Variants in PLS3 observed in about 807,000 individuals in gnomAD.
PLS3 encodes the protein plastin-3.
A neutral mutation model predicts 46.5 loss-of-function variants in PLS3; 11 were observed. The observed-to-expected ratio is 0.24, with a 90% CI of 0.15 to 0.39. The LOEUF is 0.39. Ranked by LOEUF, PLS3 falls within the 10% of genes least tolerant of loss-of-function variation. The pLI is 1.00. For missense variants in PLS3, 308 were observed against 461.8 expected, an observed-to-expected ratio of 0.67 and a Z score of 3.05; for synonymous variants, 167 against 162.2, an observed-to-expected ratio of 1.03 and a Z score of -0.22.
At chrX:115,562,712 G>A (rs145026044) in intron 1 of PLS3, 11 of 111,575 alleles carry the variant, frequency 9.9e-5, no homozygotes, top group African/African-American at 3.6e-4. Flanking sequence ...CTAAGTGGCT[G>A]GAGCCCCACA....
intron 5 of PLS3, among the ~76,000 whole-genome samples, chrX:115,632,546 A>T (rs1230685937): frequency 1.8e-5 from 2 of 111,457 alleles, no homozygotes; most frequent in African/African-American, 6.5e-5. Context: ...TGAGTCACAG[A>T]CTATAGCCTA....
intron 1 of PLS3, among the ~76,000 whole-genome samples, chrX:115,566,265 T>C (rs1445420256): frequency 4.4e-5 from 5 of 112,487 alleles, no homozygotes; most frequent in Non-Finnish European, 7.5e-5. Context: ...ACCCATCCAA[T>C]TTTTACAAGC....
intron 7 of PLS3, among the ~76,000 whole-genome samples, chrX:115,635,576 G>A (rs1040447309): frequency 4.9e-5 from 5 of 101,357 alleles, no homozygotes; most frequent in South Asian, 4.8e-4. Context: ...GCTTGAACCC[G>A]GAAGGCGGAG....
chrX:115,610,409 TAATC>T, intron 2 of PLS3, 86 bp downstream of exon 2: 2 of 469,097 alleles, frequency 4.3e-6, no homozygotes, highest in South Asian at 1.0e-4. Flanking sequence ...CATGAATGGT[TAATC>T]AAAAACATTA....
intron 5 of PLS3, among the ~76,000 whole-genome samples, chrX:115,630,175 C>G (rs2074750345): frequency 9.0e-6 from 1 of 111,261 alleles, no homozygotes; most frequent in Non-Finnish European, 1.9e-5. Context: ...TAGGGAAGCT[C>G]TCAGCCTCCA....
chrX:115,585,708 G>C (rs1265713471), intron 1 of PLS3, among the ~76,000 whole-genome samples: 1 of 110,603 alleles, frequency 9.0e-6, no homozygotes, highest in African/African-American at 3.3e-5. Context: ...TATTTTTATG[G>C]AATTATTCAA....
At chrX:115,591,325 G>A (rs1270966692) in intron 1 of PLS3, among the ~76,000 whole-genome samples, 1 of 112,160 alleles carries the variant, frequency 8.9e-6, no homozygotes, top group East Asian at 2.8e-4. Flanking sequence ...AGATCATGCT[G>A]ATCGAAGATT....
chrX:115,572,475 G>A (rs1556630807), intron 1 of PLS3, among the ~76,000 whole-genome samples: 1 of 111,838 alleles, frequency 8.9e-6, no homozygotes, highest in East Asian at 2.8e-4. Context: ...TGTAAGTGTT[G>A]TATAAAAGAA....
chrX:115,644,888 C>T (rs1251373967), intron 10 of PLS3, 133 bp from the exon 11 acceptor site: 1 of 426,451 alleles, frequency 2.3e-6, no homozygotes, highest in African/African-American at 2.5e-5. Context: ...TAGAAGAATG[C>T]TTGGAAACTC....
chrX:115,629,095 T>C lies in PLS3; in HGVS notation c.238-103T>C, dbSNP rs370033309. On this transcript the variant is annotated intron_variant, in intron 3 of 15. Transcript: ENST00000355899. ...GTTTTTTGTATCTTTTAACATCAGC[T>C]ATGGAAAAAATGTAAGTGATCAAGA... The C allele has an allele frequency of 1.2e-4, 69 of 571,969 alleles. 1 individual carries two copies. In the South Asian group the frequency reaches 2.2e-3, roughly 19 times the overall value. The allele number at this position is 571,969 out of a possible 1,213,427, so 47.1% of individuals were successfully genotyped here. A position where few individuals can be genotyped will look rare whatever the true frequency, so the allele number is the denominator to read the frequency against.
chrX:115,595,714 G>A (rs2147452328), intron 1 of PLS3, among the ~76,000 whole-genome samples: 1 of 91,904 alleles, frequency 1.1e-5, no homozygotes, highest in East Asian at 3.3e-4. Context: ...TTTTGAGATG[G>A]AGTCTCACTC....
chrX:115,608,559 G>C (rs782673693), intron 1 of PLS3, among the ~76,000 whole-genome samples: 132 of 112,044 alleles, frequency 1.2e-3, no homozygotes, highest in Middle Eastern at 4.7e-3. Flanking sequence ...GTACCACTCA[G>C]GTACAGGATA....
chrX:115,617,273 C>T (rs1412951398), intron 2 of PLS3, among the ~76,000 whole-genome samples: 3 of 111,755 alleles, frequency 2.7e-5, no homozygotes, highest in Non-Finnish European at 3.8e-5. Flanking sequence ...TGGTGGTCCA[C>T]TTGGGCCCTC....
intron 1 of PLS3, among the ~76,000 whole-genome samples, chrX:115,600,208 A>G (rs1157256034): frequency 5.4e-5 from 6 of 110,958 alleles, no homozygotes; most frequent in Non-Finnish European, 7.5e-5. Context: ...TGCAGCCTCA[A>G]ACTCCTGGGC....
chrX:115,613,167 T>C (rs1463271104), intron 2 of PLS3, among the ~76,000 whole-genome samples: 1 of 111,574 alleles, frequency 9.0e-6, no homozygotes, highest in Non-Finnish European at 1.9e-5. Flanking sequence ...CCTTGCCTTT[T>C]TTCCCTCCTG....
chrX:115,572,714 A>G (rs181362808), intron 1 of PLS3, among the ~76,000 whole-genome samples: 39 of 112,171 alleles, frequency 3.5e-4, no homozygotes, highest in African/African-American at 1.2e-3. Context: ...ACAAAGACGG[A>G]TAAGATACTC....
chrX:115,575,545 G>A (rs1235445274), intron 1 of PLS3, among the ~76,000 whole-genome samples: 1 of 111,745 alleles, frequency 8.9e-6, no homozygotes, highest in Non-Finnish European at 1.9e-5. Context: ...CCGGGTTCAC[G>A]CCATTCTCCT....
At position 115,643,402 on chromosome X, in the gene PLS3, C is replaced by G. The variant is rs1169530198; in HGVS notation, c.1077C>G (p.Val359=). The change falls in exon 10 of 16, where the codon GTC becomes GTG. Residue 359 remains valine (V), a synonymous_variant. Coordinates refer to ENST00000355899, the MANE Select transcript of PLS3 (RefSeq NM_005032.7). ...AGTTTGTTACCCCTGCTGATGTTGT[C>G]AGTGGAAACCCCAAACTCAACTTAG... ...CRQFVTPADV[V]SGNPKLNLAF... The G allele has an allele frequency of 8.4e-7, 1 of 1,186,350 alleles. No homozygotes were observed. Among genetic ancestry groups the G allele is most frequent in the African/African-American group, 1.8e-5 (1 of 56,576 alleles).
chrX:115,625,156 T>C (rs782144411), intron 3 of PLS3, among the ~76,000 whole-genome samples: 8 of 111,950 alleles, frequency 7.1e-5, no homozygotes, highest in South Asian at 7.3e-4. Flanking sequence ...AGAAATCATG[T>C]TATTCCTGTT....
Sources: gnomAD v4.1 joint callset for allele counts (sites outside exome capture counted in the v4.1 genomes callset) on GRCh38, gnomAD v4.1.1 for gene constraint, MANE v1.5 for transcripts, NCBI Gene and HGNC (gene_info 2026-07-23, HGNC 2026-07-21) for gene names.